The following B4GALT5 variants were observed in gnomAD, a reference collection of about 807,000 sequenced individuals.
B4GALT5 encodes beta-1,4-galactosyltransferase 5.
Under a neutral mutation model 45.0 loss-of-function variants are expected in B4GALT5, and 11 were observed. That is an observed-to-expected ratio of 0.24 (90% CI 0.15 to 0.40). The LOEUF (loss-of-function observed/expected upper bound fraction) is 0.40, where lower values mean the gene tolerates loss of function less well. Ranked by LOEUF, B4GALT5 falls within the 10% of genes least tolerant of loss-of-function variation. The pLI is 1.00. For missense variants in B4GALT5, 337 were observed against 500.2 expected (o/e 0.67, Z 3.11); for synonymous variants, 185 against 182.9 (o/e 1.01, Z -0.09).
intron 1 of B4GALT5, among the ~76,000 whole-genome samples, chr20:49,670,915 A>T (rs2085713331): frequency 6.6e-6 from 1 of 152,218 alleles, no homozygotes; most frequent in Non-Finnish European, 1.5e-5. Context: ...TGGATAAATA[A>T]CAAATGTGTT....
At chr20:49,687,368 G>C (rs2099408606) in intron 1 of B4GALT5, among the ~76,000 whole-genome samples, 1 of 152,172 alleles carries the variant, frequency 6.6e-6, no homozygotes, top group African/African-American at 2.4e-5. Context: ...TAAACATGCT[G>C]GGCGCGGTGG....
At chr20:49,655,777 A>T (rs2085640118) in intron 2 of B4GALT5, among the ~76,000 whole-genome samples, 1 of 151,788 alleles carries the variant, frequency 6.6e-6, no homozygotes, top group Non-Finnish European at 1.5e-5. Flanking sequence ...AAAAATACAA[A>T]AATTAGCCAG....
intron 8 of B4GALT5, 27 bp from the exon 9 acceptor site, chr20:49,636,486 G>A (rs1235932426): frequency 1.2e-6 from 2 of 1,612,702 alleles, no homozygotes; most frequent in Non-Finnish European, 1.7e-6. Flanking sequence ...CAGAGAAGAG[G>A]TGGCTCTGAG....
intron 1 of B4GALT5, among the ~76,000 whole-genome samples, chr20:49,668,585 G>A (rs561035677): frequency 6.0e-5 from 9 of 149,550 alleles, no homozygotes; most frequent in South Asian, 2.2e-4. Context: ...ACAACCCTGC[G>A]GAGAATGGGT....
intron 1 of B4GALT5, among the ~76,000 whole-genome samples, chr20:49,684,999 G>A (rs1001026884): frequency 6.6e-6 from 1 of 152,146 alleles, no homozygotes; most frequent in Non-Finnish European, 1.5e-5. Flanking sequence ...TGTGAATATA[G>A]TACACAGAGT....
At chr20:49,651,583 C>T (rs1056017895) in intron 2 of B4GALT5, among the ~76,000 whole-genome samples, 2 of 150,220 alleles carry the variant, frequency 1.3e-5, no homozygotes, top group South Asian at 2.1e-4. Context: ...AGCGAGACTC[C>T]GTCTCAAAAA....
chr20:49,633,759 A>T lies in B4GALT5; in HGVS notation c.*2553T>A, dbSNP rs1984437266. On this transcript the variant is annotated 3_prime_UTR_variant, in exon 9 of 9. Coordinates refer to ENST00000371711, the MANE Select transcript of B4GALT5 (RefSeq NM_004776.4). ...GAGCTTCAAACAAGATCGCCTGACA[A>T]CACTGCCGCATACACATACGGCACC... The T allele has an allele frequency of 6.6e-6, 1 of 152,534 alleles. No individual in the cohort carries two copies. The highest frequency in any genetic ancestry group is 6.5e-5 in the Admixed American group (1 of 15,284). The allele number at this position is 152,534 out of a possible 1,614,324, so 9.4% of individuals were successfully genotyped here.
chr20:49,666,057 G>A (rs1037431402), intron 1 of B4GALT5, among the ~76,000 whole-genome samples: 3 of 152,220 alleles, frequency 2.0e-5, no homozygotes, highest in African/African-American at 7.2e-5. Context: ...GATTTCCAGT[G>A]GGCCAATGAG....
chr20:49,671,141 G>T (rs2085714223), intron 1 of B4GALT5, among the ~76,000 whole-genome samples: 2 of 152,178 alleles, frequency 1.3e-5, no homozygotes, highest in African/African-American at 4.8e-5. Flanking sequence ...CACTTTGGGA[G>T]GCCAAGGTGG....
intron 7 of B4GALT5, among the ~76,000 whole-genome samples, chr20:49,639,105 C>A (rs572997445): frequency 1.3e-4 from 20 of 152,150 alleles, no homozygotes; most frequent in African/African-American, 4.1e-4. Flanking sequence ...TTTTTAAACA[C>A]AAAATAAACT....
At position 49,636,206 on chromosome 20, in the gene B4GALT5, A is replaced by G. The variant is rs2085552908; in HGVS notation, c.*106T>C. ...AACTCTGTGATCCTTCATGAGACAC[A>G]GTATTTCTGTTCTCTTGCTGTGTAG... On this transcript the variant is annotated 3_prime_UTR_variant, in exon 9 of 9. Transcript: ENST00000371711. The G allele has an allele frequency of 2.9e-6, 4 of 1,381,590 alleles. No homozygotes were observed. The East Asian group carries it at 6.9e-5, about 24-fold the overall frequency. The allele number at this position is 1,381,590 out of a possible 1,614,324, so 85.6% of individuals were successfully genotyped here.
intron 1 of B4GALT5, among the ~76,000 whole-genome samples, chr20:49,661,317 C>T (rs939010557): frequency 2.0e-5 from 3 of 152,160 alleles, no homozygotes; most frequent in Admixed American, 2.0e-4. Flanking sequence ...TCACTGCAAC[C>T]TCCATTTCCC....
At chr20:49,640,692 A>T (rs1172117029) in intron 5 of B4GALT5, 27 bp from the exon 6 acceptor site, 23 of 1,560,824 alleles carry the variant, frequency 1.5e-5, no homozygotes, top group Non-Finnish European at 2.0e-5. Context: ...TTTATCTTTA[A>T]AAGAATCTTG....
At chr20:49,638,122 A>T (rs979127584) in intron 7 of B4GALT5, among the ~76,000 whole-genome samples, 10 of 151,750 alleles carry the variant, frequency 6.6e-5, no homozygotes, top group Non-Finnish European at 1.0e-4. Context: ...AGGCTCAATT[A>T]GTCCTCCCAT....
At chr20:49,711,048 G>A (rs527503198) in intron 1 of B4GALT5, among the ~76,000 whole-genome samples, 5 of 146,954 alleles carry the variant, frequency 3.4e-5, no homozygotes, top group African/African-American at 1.0e-4. Context: ...ATCACTGCAC[G>A]ACAGCCTGGG....
chr20:49,637,516 T>C, intron 7 of B4GALT5, 74 bp from the exon 8 acceptor site: 1 of 1,060,542 alleles, frequency 9.4e-7, no homozygotes, highest in Admixed American at 1.8e-5. Context: ...CTACAAGACA[T>C]GTTACAAGCT....
intron 4 of B4GALT5, among the ~76,000 whole-genome samples, chr20:49,642,972 G>GTGTTCCCA (rs1267681664): frequency 1.3e-5 from 2 of 152,220 alleles, no homozygotes; most frequent in African/African-American, 4.8e-5. Context: ...TCCCAGCGAT[G>GTGTTCCCA]GGCTGGATAC....
At chr20:49,644,988 G>C (rs1486636328) in intron 3 of B4GALT5, among the ~76,000 whole-genome samples, 2 of 152,106 alleles carry the variant, frequency 1.3e-5, no homozygotes, top group African/African-American at 4.8e-5. Flanking sequence ...TATAGGAAAG[G>C]TATAAGAGTT....
chr20:49,703,148 T>C (rs763462335), intron 1 of B4GALT5, among the ~76,000 whole-genome samples: 120 of 117,472 alleles, frequency 1.0e-3, no homozygotes, highest in Non-Finnish European at 1.6e-3. Flanking sequence ...CACTCCAGCC[T>C]GGGCGAGACT....
Sources: allele counts gnomAD v4.1 joint callset (sites outside exome capture counted in the v4.1 genomes callset), GRCh38; gene constraint gnomAD v4.1.1; transcripts MANE v1.5; gene names NCBI Gene and HGNC (gene_info 2026-07-23, HGNC 2026-07-21).